Variants in NPY2R observed in about 807,000 individuals in gnomAD.
NPY2R encodes neuropeptide Y receptor type 2.
In NPY2R, 17 loss-of-function variants were observed where a neutral mutation model predicts 22.3. The ratio of observed to expected loss-of-function variants is 0.76; its 90% confidence interval spans 0.52 to 1.14. NPY2R has a LOEUF of 1.14. Ranked by LOEUF, NPY2R falls within the 50% of genes most tolerant of loss-of-function variation. The pLI, the probability that NPY2R is intolerant of heterozygous loss-of-function variation, is 0.00. For synonymous variants in NPY2R, 209 were observed against 183.4 expected (o/e 1.14, Z -1.13); for missense variants, 424 against 467.9 (o/e 0.91, Z 0.87).
At chr4:155,179,565 T>C in the NPY2R span, among the ~76,000 whole-genome samples, 1 of 152,220 alleles carries the variant, frequency 6.6e-6, no homozygotes, top group Non-Finnish European at 1.5e-5. Context: ...GTGAGTCTTT[T>C]CAACTCTGGT....
At chr4:155,200,375 T>C in the NPY2R span, among the ~76,000 whole-genome samples, 1 of 120,338 alleles carries the variant, frequency 8.3e-6, no homozygotes, top group Non-Finnish European at 1.6e-5. Context: ...GAAGAAGCTG[T>C]GGAAAATAGG....
the NPY2R span, among the ~76,000 whole-genome samples, chr4:155,202,375 T>C: frequency 6.6e-6 from 1 of 152,182 alleles, no homozygotes; most frequent in Non-Finnish European, 1.5e-5. Context: ...ATCTGTTTAA[T>C]GTATTTCTTT....
At chr4:155,189,906 T>C in the NPY2R span, among the ~76,000 whole-genome samples, 1 of 152,046 alleles carries the variant, frequency 6.6e-6, no homozygotes, top group African/African-American at 2.4e-5. Flanking sequence ...ACTCTTTCTT[T>C]TCTTTAAGTT....
At chr4:155,209,694 T>C (rs1013846558) in intron 1 of NPY2R, among the ~76,000 whole-genome samples, 2 of 151,866 alleles carry the variant, frequency 1.3e-5, no homozygotes, top group Admixed American at 1.3e-4. Context: ...CCCCCTCCCC[T>C]GCCCCCATTC....
At chr4:155,184,815 G>A in the NPY2R span, among the ~76,000 whole-genome samples, 7 of 151,842 alleles carry the variant, frequency 4.6e-5, no homozygotes, top group Admixed American at 3.9e-4. Context: ...TTAAACCTAT[G>A]CAAGTAACTG....
At chr4:155,203,999 G>A (rs149661497), upstream of NPY2R, among the ~76,000 whole-genome samples, 148 of 152,124 alleles carry the variant, frequency 9.7e-4, no homozygotes, top group African/African-American at 3.5e-3. Context: ...CTCACTTTTT[G>A]GTCCTGTGCT....
the NPY2R span, among the ~76,000 whole-genome samples, chr4:155,202,503 A>T: frequency 6.6e-6 from 1 of 152,136 alleles, no homozygotes; most frequent in South Asian, 2.1e-4. Context: ...TCTTTGTAGG[A>T]GTGGTGCGTA....
At chr4:155,186,334 A>C in the NPY2R span, among the ~76,000 whole-genome samples, 1 of 152,186 alleles carries the variant, frequency 6.6e-6, no homozygotes, top group Admixed American at 6.6e-5. Context: ...TTAGTAAAGC[A>C]GTGTAAGAAA....
the NPY2R span, among the ~76,000 whole-genome samples, chr4:155,183,248 C>T: frequency 1.2e-3 from 181 of 152,318 alleles, no homozygotes; most frequent in African/African-American, 3.9e-3. Flanking sequence ...TCGACTCACA[C>T]TCTCTCTGTG....
the NPY2R span, among the ~76,000 whole-genome samples, chr4:155,193,383 C>T: frequency 5.3e-5 from 8 of 151,964 alleles, no homozygotes; most frequent in Non-Finnish European, 1.0e-4. Context: ...CACATAATCA[C>T]GAGGCCACAG....
At chr4:155,191,307 ATC>A in the NPY2R span, among the ~76,000 whole-genome samples, 1 of 151,854 alleles carries the variant, frequency 6.6e-6, no homozygotes, top group South Asian at 2.1e-4. Flanking sequence ...GGACCATAAA[ATC>A]TCACATTCTT....
rs1224035244 is a variant in NPY2R at position 155,214,337 on chromosome 4, C to A, written c.398C>A (p.Ala133Glu). 2 of 1,614,124 alleles carry A rather than the reference C, an allele frequency of 1.2e-6. No individual in the cohort carries two copies. Among genetic ancestry groups the A allele is most frequent in the South Asian group, 1.1e-5 (1 of 91,070 alleles). ...CHLVPYAQGL[A>E]VQVSTITLTV... The stretch of plus-strand genomic sequence containing the variant: ...CTGGTGCCCTATGCCCAGGGCCTGG[C>A]AGTACAAGTATCCACAATCACCTTG... The change falls in exon 2 of 2, where the codon GCA becomes GAA. Residue 133 changes from alanine to glutamate, a missense_variant. By Grantham distance (107) the Ala-to-Glu change is moderately radical. Coordinates refer to ENST00000329476, the MANE Select transcript of NPY2R (RefSeq NM_000910.4).
the NPY2R span, among the ~76,000 whole-genome samples, chr4:155,186,560 A>T: frequency 6.6e-6 from 1 of 152,228 alleles, no homozygotes; most frequent in South Asian, 2.1e-4. Context: ...TTAACATATG[A>T]ATTACCTGAT....
At chr4:155,202,458 C>T in the NPY2R span, among the ~76,000 whole-genome samples, 62 of 152,228 alleles carry the variant, frequency 4.1e-4, no homozygotes, top group Middle Eastern at 3.4e-3. Context: ...CATCTTTACA[C>T]GGACAGTGTC....
At chr4:155,181,523 C>G in the NPY2R span, among the ~76,000 whole-genome samples, 3 of 151,894 alleles carry the variant, frequency 2.0e-5, no homozygotes, top group South Asian at 6.2e-4. Flanking sequence ...TATATGAAAC[C>G]CTACCTTTAA....
the NPY2R span, among the ~76,000 whole-genome samples, chr4:155,177,044 G>A: frequency 6.6e-6 from 1 of 152,226 alleles, no homozygotes; most frequent in Non-Finnish European, 1.5e-5. Flanking sequence ...ATGCATTTTG[G>A]AGAGGACACA....
chr4:155,203,501 C>T, the NPY2R span, among the ~76,000 whole-genome samples: 1 of 152,090 alleles, frequency 6.6e-6, no homozygotes, highest in African/African-American at 2.4e-5. Context: ...TAAAGTAGTA[C>T]ACTTATATAG....
At chr4:155,205,652 G>A (rs954128966), upstream of NPY2R, among the ~76,000 whole-genome samples, 4 of 152,182 alleles carry the variant, frequency 2.6e-5, no homozygotes, top group African/African-American at 9.7e-5. Context: ...ATCTTTGGCT[G>A]TATTCCTTTT....
chr4:155,198,119 T>C, the NPY2R span, among the ~76,000 whole-genome samples: 1 of 151,972 alleles, frequency 6.6e-6, no homozygotes, highest in Admixed American at 6.6e-5. Flanking sequence ...GTGCAGTGCC[T>C]AATAGATATT....
Sources: allele counts gnomAD v4.1 joint callset (sites outside exome capture counted in the v4.1 genomes callset), GRCh38; gene constraint gnomAD v4.1.1; transcripts MANE v1.5; gene names NCBI Gene and HGNC (gene_info 2026-07-23, HGNC 2026-07-21).